ITGB1: variants seen among roughly 807,000 people sequenced by gnomAD.
The protein encoded by ITGB1 is integrin beta-1.
In ITGB1, 24 loss-of-function variants were observed where a neutral mutation model predicts 86.5. That is an observed-to-expected ratio of 0.28 (90% CI 0.20 to 0.39). ITGB1 has a LOEUF of 0.39. Ranked by LOEUF, ITGB1 falls within the 10% of genes least tolerant of loss-of-function variation. The pLI, the probability that ITGB1 is intolerant of heterozygous loss-of-function variation, is 1.00. For missense variants in ITGB1, 556 were observed against 946.9 expected, an observed-to-expected ratio of 0.59 and a Z score of 5.42; for synonymous variants, 323 against 316.8, an observed-to-expected ratio of 1.02 and a Z score of -0.21.
chr10:32,922,702 G>A lies in ITGB1; in HGVS notation c.976C>T (p.Leu326=). ...ATTGTCTGAATATTATTTTCACTCA[G>A]TTTCTGGACAAGGTGAGCAATAGAA... is the stretch of plus-strand genomic sequence containing the variant. The part of the protein sequence containing the change: ...YPSIAHLVQK[L]SENNIQTIFA... The change falls in exon 8 of 16, where the codon CTG becomes TTG. Residue 326 remains leucine, a synonymous_variant. Coordinates refer to ENST00000302278, the MANE Select transcript of ITGB1 (RefSeq NM_002211.4). The A allele has an allele frequency of 7.5e-6, 12 of 1,605,146 alleles. No individual in the cohort carries two copies. Among genetic ancestry groups the A allele is most frequent in the Non-Finnish European group, 1.0e-5 (12 of 1,173,662 alleles).
chr10:32,939,671 C>T (rs1004412537), intron 1 of ITGB1, among the ~76,000 whole-genome samples: 5 of 152,078 alleles, frequency 3.3e-5, no homozygotes, highest in African/African-American at 1.2e-4. Context: ...ACCTCTATTA[C>T]CATGAATATA....
At chr10:32,953,348 A>T (rs1029072056) in intron 1 of ITGB1, among the ~76,000 whole-genome samples, 5 of 152,238 alleles carry the variant, frequency 3.3e-5, no homozygotes, top group Admixed American at 6.5e-5. Context: ...ATCAAAGAGC[A>T]TGCCAACTTC....
intron 15 of ITGB1, among the ~76,000 whole-genome samples, chr10:32,907,748 C>T (rs2094900918): frequency 6.6e-6 from 1 of 151,946 alleles, no homozygotes; most frequent in Non-Finnish European, 1.5e-5. Context: ...CTTTTGGCTT[C>T]CCTGGGCCAC....
chr10:32,921,040 GTCTTCCCCATCGGCA>G (rs2094948144), intron 9 of ITGB1, among the ~76,000 whole-genome samples: 1 of 151,390 alleles, frequency 6.6e-6, no homozygotes, highest in East Asian at 2.0e-4. Context: ...AATAAATGCT[GTCTTCCCCATCGGCA>G]AAATGGCATT....
intron 11 of ITGB1, among the ~76,000 whole-genome samples, chr10:32,915,290 G>A (rs541058201): frequency 1.1e-4 from 16 of 152,170 alleles, no homozygotes; most frequent in Non-Finnish European, 1.8e-4. Context: ...TCAAAAGCTA[G>A]CAGAAGGCAA....
intron 1 of ITGB1, among the ~76,000 whole-genome samples, chr10:32,941,319 T>A (rs1034466847): frequency 6.6e-6 from 1 of 152,178 alleles, no homozygotes; most frequent in Non-Finnish European, 1.5e-5. Context: ...ACTAGAAAAA[T>A]GTATGTTTTT....
chr10:32,954,981 AAGAGAG>A (rs1343378873), intron 1 of ITGB1, among the ~76,000 whole-genome samples: 1 of 152,218 alleles, frequency 6.6e-6, no homozygotes, highest in Non-Finnish European at 1.5e-5. Flanking sequence ...CAGCTCCTGA[AAGAGAG>A]AAACTTTTTT....
At chr10:32,921,729 T>A (rs1019870402) in intron 9 of ITGB1, among the ~76,000 whole-genome samples, 1 of 152,196 alleles carries the variant, frequency 6.6e-6, no homozygotes, top group African/African-American at 2.4e-5. Context: ...ACACTATAAA[T>A]CTTTTTGAAA....
intron 6 of ITGB1, among the ~76,000 whole-genome samples, chr10:32,924,609 T>G (rs930002842): frequency 6.6e-6 from 1 of 152,130 alleles, no homozygotes; most frequent in African/African-American, 2.4e-5. Flanking sequence ...TGTTATGGCT[T>G]GTTTAATACC....
chr10:32,901,710 G>A, intron 15 of ITGB1, 75 bp from the exon 16 acceptor site: 1 of 972,982 alleles, frequency 1.0e-6, no homozygotes, highest in Non-Finnish European at 1.6e-6. Flanking sequence ...TATAAATCAA[G>A]ACTAAAAGTT....
chr10:32,956,827 C>G (rs2095053284), intron 1 of ITGB1, among the ~76,000 whole-genome samples: 1 of 152,158 alleles, frequency 6.6e-6, no homozygotes, highest in Admixed American at 6.6e-5. Context: ...CATCTTTTTA[C>G]TATAAAAGAA....
chr10:32,919,841 TA>T, intron 11 of ITGB1, 43 bp downstream of exon 11: 1 of 1,561,428 alleles, frequency 6.4e-7, no homozygotes. Context: ...CTATACTCTC[TA>T]AACCAATGTA....
At chr10:32,940,224 A>T (rs1049807993) in intron 1 of ITGB1, among the ~76,000 whole-genome samples, 2 of 152,102 alleles carry the variant, frequency 1.3e-5, no homozygotes, top group African/African-American at 4.8e-5. Flanking sequence ...GCGCATCTGT[A>T]GTCCCAGCTA....
At chr10:32,940,458 G>A (rs1286474362) in intron 1 of ITGB1, among the ~76,000 whole-genome samples, 1 of 152,148 alleles carries the variant, frequency 6.6e-6, no homozygotes, top group Non-Finnish European at 1.5e-5. Flanking sequence ...TTATAAGACT[G>A]GCAGCATGGT....
chr10:32,944,655 G>A lies in ITGB1; in HGVS notation c.1-9097C>T, dbSNP rs1193292212. On this transcript the variant is annotated intron_variant, in intron 1 of 15. Transcript: ENST00000302278. ...ACTTAGTATAGCTAGCTGTTGGGTG[G>A]TTTTCCATGGACACTTCCACAGGCA... 4 of 632,576 alleles carry A rather than the reference G, an allele frequency of 6.3e-6. No homozygotes were observed. The Admixed American group carries it at 7.6e-5, about 12-fold the overall frequency. 39.2% of individuals were successfully genotyped at this position (632,576 alleles called of 1,614,324 possible).
rs2137278722 is a variant in ITGB1, at chr10:32,958,195, T to C, written c.-51A>G. 6.6e-6 allele frequency: 1 copy of C among 151,148 alleles called. No individual in the cohort carries two copies. The highest frequency in any genetic ancestry group is 1.5e-5 in the Non-Finnish European group (1 of 67,754). The allele number at this position is 151,148 out of a possible 1,614,324, so 9.4% of individuals were successfully genotyped here. A position where few individuals can be genotyped will look rare whatever the true frequency, so the allele number is the denominator to read the frequency against. ...GGCGCGGTGGGCTCGGGCCTGCTGTTCCGCGACTCCCGCTGGGCCTCTCCC... is the reference window on the plus strand; with the variant it reads ...GGCGCGGTGGGCTCGGGCCTGCTGTCCCGCGACTCCCGCTGGGCCTCTCCC... On this transcript the variant is annotated 5_prime_UTR_variant, in exon 1 of 16. Coordinates refer to ENST00000302278, the MANE Select transcript of ITGB1 (RefSeq NM_002211.4).
chr10:32,947,858 A>G (rs1456228367), intron 1 of ITGB1, among the ~76,000 whole-genome samples: 2 of 152,188 alleles, frequency 1.3e-5, no homozygotes, highest in African/African-American at 4.8e-5. Context: ...GGGTTTTGTG[A>G]AGTTTAAATA....
chr10:32,923,464 T>C (rs1032657472), intron 7 of ITGB1, 121 bp downstream of exon 7: 1 of 757,686 alleles, frequency 1.3e-6, no homozygotes, highest in Non-Finnish European at 2.0e-6. Flanking sequence ...GGACCCCTAC[T>C]TACCAAAACA....
chr10:32,923,170 T>C (rs2094955123), intron 7 of ITGB1, among the ~76,000 whole-genome samples: 1 of 152,248 alleles, frequency 6.6e-6, no homozygotes, highest in Admixed American at 6.5e-5. Flanking sequence ...TTGGATTTCT[T>C]CTAGAACTTG....
Sources: gnomAD v4.1 joint callset for allele counts (sites outside exome capture counted in the v4.1 genomes callset) on GRCh38, gnomAD v4.1.1 for gene constraint, MANE v1.5 for transcripts, NCBI Gene and HGNC (gene_info 2026-07-23, HGNC 2026-07-21) for gene names.